Variants in TATDN1 observed in about 807,000 individuals in gnomAD.
TATDN1 encodes TatD DNase domain containing 1.
Under a neutral mutation model 46.4 loss-of-function variants are expected in TATDN1, and 40 were observed. The observed-to-expected ratio is 0.86, with a 90% confidence interval of 0.67 to 1.12. The LOEUF is 1.12. TATDN1 is among the 50% of genes most tolerant of loss of function. TATDN1 has a pLI of 0.00. For synonymous variants in TATDN1, 95 were observed against 105.6 expected, an observed-to-expected ratio of 0.90 and a Z score of 0.62; for missense variants, 326 against 348.4, an observed-to-expected ratio of 0.94 and a Z score of 0.51.
At chr8:124,511,777 G>A (rs1819040568) in intron 6 of TATDN1, among the ~76,000 whole-genome samples, 1 of 152,084 alleles carries the variant, frequency 6.6e-6, no homozygotes, top group South Asian at 2.1e-4. Flanking sequence ...CTTTAGGGTG[G>A]TAATTATTTC....
At chr8:124,517,067 G>T (rs1819536408) in intron 4 of TATDN1, among the ~76,000 whole-genome samples, 1 of 152,214 alleles carries the variant, frequency 6.6e-6, no homozygotes, top group Non-Finnish European at 1.5e-5. Context: ...GGGATGAAAA[G>T]TAAGGATAAA....
chr8:124,526,295 C>G (rs1336769666), intron 1 of TATDN1, among the ~76,000 whole-genome samples: 1 of 152,200 alleles, frequency 6.6e-6, no homozygotes, highest in Admixed American at 6.5e-5. Context: ...TGAATAAACT[C>G]TGTAAACTAG....
intron 1 of TATDN1, among the ~76,000 whole-genome samples, chr8:124,531,189 C>T (rs1006468526): frequency 2.0e-5 from 3 of 151,502 alleles, no homozygotes; most frequent in African/African-American, 7.3e-5. Flanking sequence ...TGGCAATAAG[C>T]CTAAAGTTCC....
chr8:124,518,538 A>C lies in TATDN1; in HGVS notation c.202+280T>G, dbSNP rs569472247. Among the ~76,000 whole-genome samples the C allele has an allele frequency of 3.4e-3, 524 of 151,996 alleles. 6 individuals carry two copies. Among genetic ancestry groups the C allele is most frequent in the Non-Finnish European group, 5.1e-3 (349 of 67,964 alleles). ...GACTCCGTCTCAAAAAAAAAAAAAA[A>C]ACACACCTGAGGTTAAACTGTGTAC... On this transcript the variant is annotated intron_variant, in intron 4 of 11. Transcript: ENST00000276692.
Position 124,493,978 on chromosome 8 carries a change from T to A in TATDN1, c.665-19A>T. 1 of 1,597,244 alleles carries A rather than the reference T, an allele frequency of 6.3e-7. No individual in the cohort carries two copies. The highest frequency in any genetic ancestry group is 8.5e-7 in the Non-Finnish European group (1 of 1,174,788). ...GGTGCATCTAGTTAAGCAAAGAAAG[T>A]GTCTCGTAAGGGGTTTACATTTTTA... On this transcript the variant is annotated intron_variant, in intron 10 of 11. Transcript: ENST00000276692.
chr8:124,529,728 G>C (rs1820795983), intron 1 of TATDN1, among the ~76,000 whole-genome samples: 1 of 152,150 alleles, frequency 6.6e-6, no homozygotes, highest in South Asian at 2.1e-4. Flanking sequence ...GGCACTGTAG[G>C]GATATATTTT....
At chr8:124,527,769 T>A (rs949513156) in intron 1 of TATDN1, among the ~76,000 whole-genome samples, 3 of 151,718 alleles carry the variant, frequency 2.0e-5, no homozygotes, top group African/African-American at 7.3e-5. Flanking sequence ...TTTTGTCCCA[T>A]GTCATTGCCA....
Position 124,493,851 on chromosome 8 carries a change from T to A in TATDN1, c.773A>T (p.Asn258Ile), listed in dbSNP as rs1365100193. ...WESGHCLKDR[N>I]EPCHIIQILE... Reference sequence around the variant, plus strand: ...TACTCACATTATATGGCAGGGTTCATTTCTGTCTTTTAAGCAGTGCCCACT... The same window carrying A: ...TACTCACATTATATGGCAGGGTTCAATTCTGTCTTTTAAGCAGTGCCCACT... The change falls in exon 11 of 12, where the codon AAT becomes ATT. Residue 258 changes from asparagine (N) to isoleucine (I), a missense_variant. By Grantham distance (149) the Asn-to-Ile change is moderately radical. Coordinates refer to ENST00000276692, the MANE Select transcript of TATDN1 (RefSeq NM_032026.4). 10 of 1,608,986 alleles carry A rather than the reference T, an allele frequency of 6.2e-6. No homozygotes were observed. The highest frequency in any genetic ancestry group is 8.5e-6 in the Non-Finnish European group (10 of 1,179,228).
At chr8:124,507,484 A>T (rs1818572604) in intron 8 of TATDN1, among the ~76,000 whole-genome samples, 1 of 152,210 alleles carries the variant, frequency 6.6e-6, no homozygotes, top group South Asian at 2.1e-4. Context: ...CAGCATTAGG[A>T]TGTGTAGAAT....
At chr8:124,488,780 G>A in intron 11 of TATDN1, 84 bp from the exon 12 acceptor site, 1 of 802,704 alleles carries the variant, frequency 1.2e-6, no homozygotes, top group South Asian at 1.5e-5. Context: ...CCACACAAAG[G>A]AAAATATTGG....
At chr8:124,538,695 C>A (rs574124482) in intron 1 of TATDN1, among the ~76,000 whole-genome samples, 2 of 152,282 alleles carry the variant, frequency 1.3e-5, no homozygotes, top group African/African-American at 4.8e-5. Flanking sequence ...CCGGGAGGTG[C>A]ACGTGGGATG....
At chr8:124,492,186 G>C (rs1286195184) in intron 11 of TATDN1, among the ~76,000 whole-genome samples, 1 of 152,038 alleles carries the variant, frequency 6.6e-6, no homozygotes, top group Non-Finnish European at 1.5e-5. Flanking sequence ...TGTTGGCCAG[G>C]CTGGTCTCGA....
chr8:124,494,023 A>T (rs2131344447), intron 10 of TATDN1, 64 bp from the exon 11 acceptor site: 1 of 1,466,066 alleles, frequency 6.8e-7, no homozygotes, highest in East Asian at 2.3e-5. Flanking sequence ...TATGACCATT[A>T]TCTAATATAT....
rs182481068 is a variant in TATDN1, at chr8:124,520,522, C to G, written c.138+1629G>C. Among the ~76,000 whole-genome samples, 170 of 152,090 alleles carry G rather than the reference C, an allele frequency of 1.1e-3. 1 individual carries two copies. The highest frequency in any genetic ancestry group is 3.9e-3 in the African/African-American group (162 of 41,496). On this transcript the variant is annotated intron_variant, in intron 3 of 11. Coordinates refer to ENST00000276692, the MANE Select transcript of TATDN1 (RefSeq NM_032026.4). ...AAAACTTTAATACTAGAACAGATGCCTACATCCAGTATTTAAATTACGTAA... is the reference window on the plus strand; with the variant it reads ...AAAACTTTAATACTAGAACAGATGCGTACATCCAGTATTTAAATTACGTAA...
At chr8:124,521,848 T>C (rs1210055753) in intron 3 of TATDN1, 1 of 219,272 alleles carries the variant, frequency 4.6e-6, no homozygotes, top group African/African-American at 2.3e-5. Flanking sequence ...CTAAATTATA[T>C]TATAAAATTG....
Position 124,539,035 on chromosome 8 carries a change from G to T in TATDN1, c.12C>A (p.Phe4Leu), listed in dbSNP as rs753570570. 6 of 1,612,002 alleles carry T rather than the reference G, an allele frequency of 3.7e-6. No homozygotes were observed. The Middle Eastern group carries it at 5.0e-4, about 133-fold the overall frequency. MSR[F>L]KFIDIGINLT... The stretch of plus-strand genomic sequence containing the variant: ...AAACGCTCCTCTTACCGATAAACTT[G>T]AAGCGACTCATGACTGCGCATGGAG... The change falls in exon 1 of 12, where the codon TTC becomes TTA. Residue 4 changes from phenylalanine (F) to leucine (L), a missense_variant. Phe to Leu is a conservative substitution (Grantham distance 22, BLOSUM62 0). Transcript: ENST00000276692.
At position 124,499,692 on chromosome 8, in the gene TATDN1, C is replaced by T. The variant is rs948491889; in HGVS notation, c.594-4150G>A. On this transcript the variant is annotated intron_variant, in intron 9 of 11. Coordinates refer to ENST00000276692, the MANE Select transcript of TATDN1 (RefSeq NM_032026.4). Reference sequence around the variant, plus strand: ...CCGAGTAGCTGGGACTACAGGCGCCCGCCACCACACCCGGCTAATTTTTTT... The same window carrying T: ...CCGAGTAGCTGGGACTACAGGCGCCTGCCACCACACCCGGCTAATTTTTTT... Among the ~76,000 whole-genome samples, 16 of 151,718 alleles carry T rather than the reference C, an allele frequency of 1.1e-4. No homozygotes were observed. In the South Asian group the frequency reaches 2.5e-3, roughly 24 times the overall value.
chr8:124,495,958 T>G (rs1817434321), intron 9 of TATDN1, among the ~76,000 whole-genome samples: 1 of 152,244 alleles, frequency 6.6e-6, no homozygotes, highest in African/African-American at 2.4e-5. Context: ...TCTGCACCCT[T>G]GCCATGGTTT....
chr8:124,518,511 G>A (rs1819724470), intron 4 of TATDN1, among the ~76,000 whole-genome samples: 2 of 144,568 alleles, frequency 1.4e-5, no homozygotes, highest in African/African-American at 5.3e-5. Context: ...GTAACAGAGT[G>A]AGACTCCGTC....
Sources: gnomAD v4.1 joint callset for allele counts (sites outside exome capture counted in the v4.1 genomes callset) on GRCh38, gnomAD v4.1.1 for gene constraint, MANE v1.5 for transcripts, NCBI Gene and HGNC (gene_info 2026-07-23, HGNC 2026-07-21) for gene names.